Variants in PPP1R13B observed in about 807,000 individuals in gnomAD.
PPP1R13B encodes the protein protein phosphatase 1 regulatory subunit 13B, also known as apoptosis-stimulating of p53 protein 1.
PPP1R13B carries 44 observed loss-of-function variants against 119.8 expected under a neutral mutation model. The observed-to-expected ratio is 0.37, with a 90% CI of 0.29 to 0.47. The LOEUF is 0.47. PPP1R13B is among the 20% of genes least tolerant of loss of function. The probability of loss-of-function intolerance (pLI) is 0.99; values close to 1 mark genes in which losing one functional copy is unlikely to be tolerated. For missense variants in PPP1R13B, 1,227 were observed against 1,413.5 expected, an observed-to-expected ratio of 0.87 and a Z score of 2.12; for synonymous variants, 542 against 561.5, an observed-to-expected ratio of 0.97 and a Z score of 0.49.
chr14:103,842,571 G>A (rs1332273773), intron 1 of PPP1R13B, among the ~76,000 whole-genome samples: 1 of 151,278 alleles, frequency 6.6e-6, no homozygotes, highest in South Asian at 2.1e-4. Flanking sequence ...CCAAAGTGCT[G>A]GGATTACAGG....
At chr14:103,762,051 T>C (rs755405385) in intron 4 of PPP1R13B, among the ~76,000 whole-genome samples, 1 of 152,214 alleles carries the variant, frequency 6.6e-6, no homozygotes, top group African/African-American at 2.4e-5. Context: ...TGCTCTGAAG[T>C]GCTCTCTTGT....
chr14:103,748,030 C>T (rs940784162), intron 8 of PPP1R13B, among the ~76,000 whole-genome samples: 6 of 150,850 alleles, frequency 4.0e-5, no homozygotes, highest in African/African-American at 9.7e-5. Context: ...GACTTGCCAA[C>T]GTCCACAATC....
At chr14:103,848,356 A>G (rs2087123613), upstream of PPP1R13B, 3 of 985,316 alleles carry the variant, frequency 3.0e-6, no homozygotes, top group Middle Eastern at 5.2e-4. Context: ...CTCTCCCTGC[A>G]GTCCCGTCTC....
At chr14:103,747,619 A>C (rs1296581767) in intron 8 of PPP1R13B, among the ~76,000 whole-genome samples, 1 of 152,102 alleles carries the variant, frequency 6.6e-6, no homozygotes, top group Non-Finnish European at 1.5e-5. Flanking sequence ...GCACTCTAGC[A>C]GTGCACACTG....
intron 7 of PPP1R13B, among the ~76,000 whole-genome samples, chr14:103,750,448 G>C (rs920077496): frequency 5.9e-5 from 9 of 152,226 alleles, no homozygotes; most frequent in Admixed American, 5.9e-4. Context: ...CCCATAGTAA[G>C]AGCTGTCTTA....
At chr14:103,750,102 G>A (rs1283658841) in intron 7 of PPP1R13B, among the ~76,000 whole-genome samples, 168 bp from the exon 8 acceptor site, 1 of 152,218 alleles carries the variant, frequency 6.6e-6, no homozygotes, top group Admixed American at 6.5e-5. Context: ...AGATAAGCCA[G>A]GACAGCGTTC....
At chr14:103,788,689 GC>G in intron 2 of PPP1R13B, among the ~76,000 whole-genome samples, 1 of 137,980 alleles carries the variant, frequency 7.2e-6, no homozygotes, top group Non-Finnish European at 1.6e-5. Flanking sequence ...AACAATCAAA[GC>G]AAAAAAAAAA....
chr14:103,841,661 G>T (rs2086912442), intron 1 of PPP1R13B, among the ~76,000 whole-genome samples: 1 of 152,016 alleles, frequency 6.6e-6, no homozygotes, highest in African/African-American at 2.4e-5. Context: ...ACTGAATTAG[G>T]CTGTAAAATC....
intron 9 of PPP1R13B, among the ~76,000 whole-genome samples, chr14:103,745,126 C>T (rs1231840148): frequency 6.6e-6 from 1 of 152,200 alleles, no homozygotes; most frequent in Non-Finnish European, 1.5e-5. Flanking sequence ...CATGCCAACC[C>T]CACACTTTAT....
At chr14:103,767,529 T>A (rs1207110176) in intron 4 of PPP1R13B, among the ~76,000 whole-genome samples, 2 of 152,112 alleles carry the variant, frequency 1.3e-5, no homozygotes, top group African/African-American at 4.8e-5. Flanking sequence ...GTCCTGCTCT[T>A]TATCTCCCAC....
intron 1 of PPP1R13B, among the ~76,000 whole-genome samples, chr14:103,839,789 C>T (rs2152086275): frequency 6.6e-6 from 1 of 152,308 alleles, no homozygotes; most frequent in Non-Finnish European, 1.5e-5. Context: ...TTTGTTTCTC[C>T]AGCATGCTGG....
At chr14:103,746,242 G>C in intron 9 of PPP1R13B, 131 bp downstream of exon 9, 1 of 965,166 alleles carries the variant, frequency 1.0e-6, no homozygotes, top group Non-Finnish European at 1.5e-6. Flanking sequence ...GCCTCACGGG[G>C]AGACTGAGCC....
chr14:103,785,878 C>T (rs371949539), intron 2 of PPP1R13B, among the ~76,000 whole-genome samples: 2 of 152,038 alleles, frequency 1.3e-5, no homozygotes, highest in African/African-American at 4.8e-5. Flanking sequence ...AAATGTCAGG[C>T]GTGGCAATCA....
At chr14:103,778,263 CT>C (rs34674155) in intron 4 of PPP1R13B, among the ~76,000 whole-genome samples, 128 of 99,494 alleles carry the variant, frequency 1.3e-3, no homozygotes, top group South Asian at 0.012. Context: ...CCACATCTGA[CT>C]TTTTTTTTTT....
At position 103,746,718 on chromosome 14, in the gene PPP1R13B, G is replaced by C. The variant is rs941788616; in HGVS notation, c.970-165C>G. 27 of 561,574 alleles carry C rather than the reference G, an allele frequency of 4.8e-5. No homozygotes were observed. In the East Asian group the frequency reaches 8.5e-4, roughly 18 times the overall value. 34.8% of individuals were successfully genotyped at this position (561,574 alleles called of 1,614,324 possible). On this transcript the variant is annotated intron_variant, in intron 8 of 16. Coordinates refer to ENST00000202556, the MANE Select transcript of PPP1R13B (RefSeq NM_015316.3). ...AGCATCTAGAAGGGGAGACTGTGGA[G>C]AAGGAACTGTAGCTTCCTATGAGCA... is the stretch of plus-strand genomic sequence containing the variant.
At chr14:103,826,710 C>CA (rs552679526) in intron 1 of PPP1R13B, among the ~76,000 whole-genome samples, 7,705 of 88,118 alleles carry the variant, frequency 0.087, 232 homozygotes, top group Middle Eastern at 0.17. Context: ...CTGTCTCTAC[C>CA]AAAAAAAAAA....
rs554337463 is a variant in PPP1R13B at position 103,818,545 on chromosome 14, T to C, written c.10-21027A>G. 37 of 960,902 alleles carry C rather than the reference T, an allele frequency of 3.9e-5. No individual in the cohort carries two copies. In the South Asian group the frequency reaches 1.1e-3, roughly 28 times the overall value. The allele number at this position is 960,902 out of a possible 1,614,324, so 59.5% of individuals were successfully genotyped here. A position where few individuals can be genotyped will look rare whatever the true frequency, so the allele number is the denominator to read the frequency against. On this transcript the variant is annotated intron_variant, in intron 1 of 16. Coordinates refer to ENST00000202556, the MANE Select transcript of PPP1R13B (RefSeq NM_015316.3). ...AGCTACTAGACAAATCATACACCAGTTGATTTCGTCCTCATGGCAACCTCA... is the reference window on the plus strand; with the variant it reads ...AGCTACTAGACAAATCATACACCAGCTGATTTCGTCCTCATGGCAACCTCA...
Position 103,834,062 on chromosome 14 carries a change from C to T in PPP1R13B, c.9+13237G>A, listed in dbSNP as rs148739529. The stretch of plus-strand genomic sequence containing the variant: ...TCATGGTGCTTCCACAAATAAACAC[C>T]AGGCTGATATAAGTACTACAAAGAG... On this transcript the variant is annotated intron_variant, in intron 1 of 16. Transcript: ENST00000202556. Among the ~76,000 whole-genome samples the T allele has an allele frequency of 4.1e-3, 626 of 152,218 alleles. 3 individuals are homozygous for T. Among genetic ancestry groups the T allele is most frequent in the Middle Eastern group, 0.01 (3 of 294 alleles).
chr14:103,823,563 C>A (rs2086462687), intron 1 of PPP1R13B, among the ~76,000 whole-genome samples: 1 of 152,056 alleles, frequency 6.6e-6, no homozygotes, highest in Non-Finnish European at 1.5e-5. Context: ...TACCTTGTCA[C>A]CAAGATCTTA....
Sources: allele counts gnomAD v4.1 joint callset (sites outside exome capture counted in the v4.1 genomes callset), GRCh38; gene constraint gnomAD v4.1.1; transcripts MANE v1.5; gene names NCBI Gene and HGNC (gene_info 2026-07-23, HGNC 2026-07-21).